CAMK2G: variants seen among roughly 807,000 people sequenced by gnomAD.
CAMK2G encodes the protein calcium/calmodulin dependent protein kinase II gamma.
A neutral mutation model predicts 88.7 loss-of-function variants in CAMK2G; 23 were observed. That is an observed-to-expected ratio of 0.26 (90% CI 0.19 to 0.37). CAMK2G has a LOEUF of 0.37. Ranked by LOEUF, CAMK2G falls within the 10% of genes least tolerant of loss-of-function variation. The pLI, the probability that CAMK2G is intolerant of heterozygous loss-of-function variation, is 1.00. For synonymous variants in CAMK2G, 263 were observed against 294.8 expected, an observed-to-expected ratio of 0.89 and a Z score of 1.11; for missense variants, 476 against 780.8, an observed-to-expected ratio of 0.61 and a Z score of 4.65.
At chr10:73,861,194 G>C (rs2095356217) in intron 2 of CAMK2G, among the ~76,000 whole-genome samples, 1 of 152,164 alleles carries the variant, frequency 6.6e-6, no homozygotes, top group South Asian at 2.1e-4. Flanking sequence ...GCCTGGGCCA[G>C]ATAGATAGTT....
intron 12 of CAMK2G, among the ~76,000 whole-genome samples, chr10:73,840,919 G>A (rs2093725169): frequency 6.6e-6 from 1 of 152,202 alleles, no homozygotes; most frequent in South Asian, 2.1e-4. Context: ...CAACTCCACC[G>A]GAGGCAGCCA....
At chr10:73,858,703 T>C (rs2095220592) in intron 3 of CAMK2G, among the ~76,000 whole-genome samples, 1 of 152,214 alleles carries the variant, frequency 6.6e-6, no homozygotes, top group African/African-American at 2.4e-5. Context: ...TCCCTCCGCC[T>C]GCCTCCATTC....
rs2093847858 is a variant in CAMK2G, at chr10:73,842,233, G to A, written c.904-22C>T. ...CACCCTGGGGAAAGAGGAAGGTCCT[G>A]TGAATTCACTGAGACCCTAGAAAAG... On this transcript the variant is annotated intron_variant, in intron 11 of 22. Coordinates refer to ENST00000423381, the MANE Select transcript of CAMK2G (RefSeq NM_001367534.1). The surrounding 1 kb of genome is among the most constrained non-coding windows in gnomAD (Gnocchi z 4.6). 6.2e-7 allele frequency: 1 copy of A among 1,601,226 alleles called. No individual in the cohort carries two copies. Among genetic ancestry groups the A allele is most frequent in the Non-Finnish European group, 8.6e-7 (1 of 1,168,252 alleles).
intron 14 of CAMK2G, among the ~76,000 whole-genome samples, chr10:73,831,071 T>C (rs550737816): frequency 6.6e-6 from 1 of 152,326 alleles, no homozygotes; most frequent in Non-Finnish European, 1.5e-5. Flanking sequence ...ACTCTGCACA[T>C]CTTGCTTTGT....
At chr10:73,851,101 G>T (rs1022566600) in intron 5 of CAMK2G, among the ~76,000 whole-genome samples, 2 of 152,190 alleles carry the variant, frequency 1.3e-5, no homozygotes, top group Non-Finnish European at 2.9e-5. Context: ...CCCCACTTGA[G>T]AATTCTTCCC....
Position 73,848,450 on chromosome 10 carries a change from C to G in CAMK2G, c.601+76G>C. On this transcript the variant is annotated intron_variant, in intron 8 of 22. Transcript: ENST00000423381. This position sits in a 1 kb window ranked among gnomAD's most constrained non-coding sequence, Gnocchi z 4.5. ...CACGTGTGTGACCTGCAAGGAATAG[C>G]GATGCCTCTTTCTTGCCATCATCGG... 1.1e-6 allele frequency: 1 copy of G among 937,992 alleles called. No individual in the cohort carries two copies. The highest frequency in any genetic ancestry group is 1.7e-6 in the Non-Finnish European group (1 of 577,212). The allele number at this position is 937,992 out of a possible 1,614,324, so 58.1% of individuals were successfully genotyped here.
rs778838628 is a variant in CAMK2G, at chr10:73,833,909, G to GTTTTT, written c.1053+3554_1053+3558dup. On this transcript the variant is annotated intron_variant, in intron 14 of 22. Transcript: ENST00000423381. The stretch of plus-strand genomic sequence containing the variant: ...CCACCACACCTAGCCTATCTACTGG[G>GTTTTT]TTTTTTTTTTTTTTTTTTTTTTTTT... Among the ~76,000 whole-genome samples the GTTTTT allele has an allele frequency of 1.6e-4, 10 of 63,394 alleles. 1 individual carries two copies. Among genetic ancestry groups the GTTTTT allele is most frequent in the South Asian group, 7.7e-4 (1 of 1,300 alleles). The allele number at this position is 63,394 out of a possible 152,430, so 41.6% of individuals were successfully genotyped here.
chr10:73,838,160 G>A (rs1472942647), intron 13 of CAMK2G, among the ~76,000 whole-genome samples: 1 of 152,252 alleles, frequency 6.6e-6, no homozygotes, highest in East Asian at 1.9e-4. Context: ...CTGTCAAACA[G>A]ATTCTAGCCA....
chr10:73,845,450 C>T lies in CAMK2G; in HGVS notation c.819+1775G>A, dbSNP rs557399597. On this transcript the variant is annotated intron_variant, in intron 10 of 22. Coordinates refer to ENST00000423381, the MANE Select transcript of CAMK2G (RefSeq NM_001367534.1). ...ACAAAAAATTAGCCGGGCGTGGTGG[C>T]GGGCACCTGTAGTCCCAGCTACTCG... Among the ~76,000 whole-genome samples, 7 of 151,894 alleles carry T rather than the reference C, an allele frequency of 4.6e-5. No individual in the cohort carries two copies. In the South Asian group the frequency reaches 6.3e-4, roughly 14 times the overall value.
intron 15 of CAMK2G, among the ~76,000 whole-genome samples, chr10:73,826,869 T>C (rs1259684897): frequency 6.6e-6 from 1 of 152,152 alleles, no homozygotes. Context: ...AACCCAGGGC[T>C]AGGCATGGAA....
intron 19 of CAMK2G, chr10:73,818,535 G>A: frequency 2.7e-6 from 1 of 369,140 alleles, no homozygotes; most frequent in Non-Finnish European, 5.4e-6. Context: ...CAAGACAACT[G>A]CAAGCGTTAG....
rs1168063390 is a variant in CAMK2G at position 73,819,612 on chromosome 10, A to C, written c.1283T>G (p.Val428Gly). The C allele has an allele frequency of 6.5e-7, 1 of 1,546,400 alleles. No homozygotes were observed. The highest frequency in any genetic ancestry group is 2.4e-5 in the East Asian group (1 of 40,922). The change falls in exon 19 of 23, where the codon GTG becomes GGG. Residue 428 changes from valine to glycine, a missense_variant. Physicochemically the swap from Val to Gly is moderately radical, Grantham distance 109 (BLOSUM62 -3). Coordinates refer to ENST00000423381, the MANE Select transcript of CAMK2G (RefSeq NM_001367534.1). ...GTCCCGGGAGCTCCGTCCTTCAGGC[A>C]CCGAGCTGCCATTCCCAGTGCGGAG... ...APLRTGNGSS[V>G]PEGRSSRDRT...
At chr10:73,851,756 G>C (rs557571006) in intron 5 of CAMK2G, among the ~76,000 whole-genome samples, 5 of 148,624 alleles carry the variant, frequency 3.4e-5, no homozygotes, top group East Asian at 2.0e-4. Flanking sequence ...TTTGTGGGGG[G>C]GGGGAGGGGG....
At chr10:73,861,691 C>G (rs1436318863) in intron 2 of CAMK2G, among the ~76,000 whole-genome samples, 1 of 152,152 alleles carries the variant, frequency 6.6e-6, no homozygotes, top group Non-Finnish European at 1.5e-5. Flanking sequence ...CTAATAATAG[C>G]TAAGTTATAC....
intron 3 of CAMK2G, among the ~76,000 whole-genome samples, chr10:73,857,237 G>C (rs2095102598): frequency 6.6e-6 from 1 of 152,168 alleles, no homozygotes; most frequent in African/African-American, 2.4e-5. Flanking sequence ...TCGAGGCTGG[G>C]GGTCTTGAAG....
intron 14 of CAMK2G, among the ~76,000 whole-genome samples, chr10:73,831,366 C>A (rs557208433): frequency 6.6e-6 from 1 of 151,488 alleles, no homozygotes; most frequent in African/African-American, 2.4e-5. Flanking sequence ...AGCAAAACCC[C>A]GTCTCTACTA....
chr10:73,840,772 C>G (rs1271734541), intron 12 of CAMK2G, among the ~76,000 whole-genome samples: 1 of 152,224 alleles, frequency 6.6e-6, no homozygotes, highest in Non-Finnish European at 1.5e-5. Flanking sequence ...TTCTTCAACT[C>G]AGAGGGGAGA....
chr10:73,824,127 A>T (rs1446410841), intron 16 of CAMK2G, 43 bp from the exon 17 acceptor site: 1 of 1,526,274 alleles, frequency 6.6e-7, no homozygotes, highest in Admixed American at 1.7e-5. Flanking sequence ...TTGGGGACAG[A>T]CTATGGCTCT....
intron 21 of CAMK2G, 195 bp downstream of exon 21, chr10:73,816,828 A>T: frequency 6.4e-7 from 1 of 1,552,804 alleles, no homozygotes; most frequent in Non-Finnish European, 8.7e-7. Flanking sequence ...TGGCACTTGG[A>T]GCTCAGGAGC....
Sources: gnomAD v4.1 joint callset for allele counts (sites outside exome capture counted in the v4.1 genomes callset) on GRCh38, gnomAD v4.1.1 for gene constraint, Gnocchi (gnomAD v3.1) non-coding constraint, MANE v1.5 for transcripts, NCBI Gene and HGNC (gene_info 2026-07-23, HGNC 2026-07-21) for gene names.